The following PHRF1 variants were observed in gnomAD, a reference collection of about 807,000 sequenced individuals.
PHRF1 encodes PHD and ring finger domains 1.
In PHRF1, 53 loss-of-function variants were observed where a neutral mutation model predicts 128.9. The observed-to-expected ratio is 0.41, with a 90% CI of 0.33 to 0.52. PHRF1 has a LOEUF of 0.52. Among genes scored for constraint, PHRF1 ranks in the 20% least tolerant of loss-of-function variants. The pLI, the probability that PHRF1 is intolerant of heterozygous loss-of-function variation, is 0.21. For synonymous variants in PHRF1, 1,178 were observed against 980.6 expected (o/e 1.20, Z -3.76); for missense variants, 2,503 against 2,284.5 (o/e 1.10, Z -1.95).
intron 9 of PHRF1, among the ~76,000 whole-genome samples, chr11:600,495 T>TAAATAAATAAATAAATAA (rs749599842): frequency 3.8e-4 from 15 of 39,024 alleles, no homozygotes; most frequent in African/African-American, 6.7e-4. Context: ...TCTCCAAAAA[T>TAAATAAATAAATAAATAA]ATATATATAT....
chr11:604,391 C>T (rs988277496), intron 10 of PHRF1, among the ~76,000 whole-genome samples: 2 of 152,260 alleles, frequency 1.3e-5, no homozygotes, highest in African/African-American at 4.8e-5. Flanking sequence ...GGAGGCTGCC[C>T]TGTCCGCTCT....
intron 16 of PHRF1, 70 bp from the exon 17 acceptor site, chr11:610,884 A>G: frequency 6.3e-7 from 1 of 1,592,944 alleles, no homozygotes; most frequent in South Asian, 1.1e-5. Flanking sequence ...GGTGTCCAGA[A>G]CCACAGTGCC....
chr11:590,944 C>G (rs571654008), intron 4 of PHRF1, among the ~76,000 whole-genome samples: 1 of 152,284 alleles, frequency 6.6e-6, no homozygotes, highest in South Asian at 2.1e-4. Context: ...CTCAGGTAAT[C>G]TGCCTGCCTC....
intron 4 of PHRF1, among the ~76,000 whole-genome samples, chr11:591,117 C>T (rs575989020): frequency 1.3e-5 from 2 of 152,218 alleles, no homozygotes; most frequent in Non-Finnish European, 2.9e-5. Context: ...GCCGCCCCCA[C>T]GCCTGTCCTT....
chr11:609,107 C>G lies in PHRF1; in HGVS notation c.3651C>G (p.Pro1217=), dbSNP rs373376681. ...AQGEPGREDL[P]TRLPALGEAH... ...GGGAGCCAGGGCGGGAAGACCTCCC[C>G]ACCAGGTTGCCAGCCTTGGGGGAAG... The change falls in exon 14 of 18, where the codon CCC becomes CCG. Residue 1217 remains proline, a synonymous_variant. Transcript: ENST00000264555. 20 of 1,605,386 alleles carry G rather than the reference C, an allele frequency of 1.2e-5. No individual in the cohort carries two copies. Among genetic ancestry groups the G allele is most frequent in the Non-Finnish European group, 1.5e-5 (18 of 1,177,302 alleles).
chr11:608,289 G>A lies in PHRF1; in HGVS notation c.2833G>A (p.Asp945Asn), dbSNP rs1168153002. ...CCCCCCAGAGCCCTGGGATGAGGAG[G>A]ATGGGGCGTCTTGCAGCACCTTCTT... is the stretch of plus-strand genomic sequence containing the variant. ...PSPPEPWDEE[D>N]GASCSTFFGS... Residue 945 changes from aspartate to asparagine, a missense_variant, in exon 14 of 18, where the codon GAT (aspartate) becomes AAT (asparagine). By Grantham distance (23) the Asp-to-Asn change is conservative. Transcript: ENST00000264555. 21 of 1,609,884 alleles carry A rather than the reference G, an allele frequency of 1.3e-5. No homozygotes were observed. Among genetic ancestry groups the A allele is most frequent in the Non-Finnish European group, 1.8e-5 (21 of 1,179,258 alleles).
At chr11:602,761 G>GTTTTTTT (rs1374012486) in intron 10 of PHRF1, among the ~76,000 whole-genome samples, 5 of 137,214 alleles carry the variant, frequency 3.6e-5, no homozygotes, top group African/African-American at 6.5e-5. Flanking sequence ...TTTTGTTTTT[G>GTTTTTTT]TTTTTTTTGT....
At chr11:611,487 G>GGC (rs1268866326) in intron 17 of PHRF1, 147 bp from the exon 18 acceptor site, 96 of 1,128,570 alleles carry the variant, frequency 8.5e-5, no homozygotes, top group Non-Finnish European at 1.1e-4. Context: ...ACATAGGTGG[G>GGC]GCGGCCTCTG....
At chr11:603,741 T>TG (rs1199781646) in intron 10 of PHRF1, among the ~76,000 whole-genome samples, 1 of 147,262 alleles carries the variant, frequency 6.8e-6, no homozygotes, top group East Asian at 2.0e-4. Context: ...TTTTTTTTTT[T>TG]TTTTTTTTTT....
In PHRF1 at chr11:606,554, GTCA is replaced by G. The variant is rs1231678055; in HGVS notation, c.1573_1575del (p.Ile525del). On this transcript the variant is annotated inframe_deletion, in exon 13 of 18. Transcript: ENST00000264555. ...CCTCCTGATGCTGGGCAGCAGTGAT[GTCA>G]TCATCCACCGCGACGGCTCCCTCAG... 4 of 1,609,664 alleles carry G rather than the reference GTCA, an allele frequency of 2.5e-6. No homozygotes were observed. Among genetic ancestry groups the G allele is most frequent in the Non-Finnish European group, 3.4e-6 (4 of 1,178,980 alleles).
At chr11:580,524 G>A (rs1032185216) in intron 1 of PHRF1, among the ~76,000 whole-genome samples, 1 of 152,204 alleles carries the variant, frequency 6.6e-6, no homozygotes, top group Non-Finnish European at 1.5e-5. Context: ...ATGGGGTTGG[G>A]GTGCGGTCAG....
Position 612,080 on chromosome 11 carries a change from C to G in PHRF1, c.*303C>G. On this transcript the variant is annotated 3_prime_UTR_variant, in exon 18 of 18. Coordinates refer to ENST00000264555, the MANE Select transcript of PHRF1 (RefSeq NM_001286581.2). ...TAGAAACCTCTTGATTGACTTACTA[C>G]TTGGAAGATAAAGCACTTGGTGATC... is the stretch of plus-strand genomic sequence containing the variant. 5 of 427,104 alleles carry G rather than the reference C, an allele frequency of 1.2e-5. No individual in the cohort carries two copies. Among genetic ancestry groups the G allele is most frequent in the Non-Finnish European group, 2.1e-5 (5 of 240,938 alleles). The allele number at this position is 427,104 out of a possible 1,614,324, so 26.5% of individuals were successfully genotyped here.
rs754917018 is a variant in PHRF1 at position 609,101 on chromosome 11, C to T, written c.3645C>T (p.Asp1215=). Residue 1215 remains aspartate, a synonymous_variant, in exon 14 of 18, where the codon GAC becomes GAT. Coordinates refer to ENST00000264555, the MANE Select transcript of PHRF1 (RefSeq NM_001286581.2). The part of the protein sequence containing the change: ...PLAQGEPGRE[D]LPTRLPALGE... Reference sequence around the variant, plus strand: ...CACAGGGGGAGCCAGGGCGGGAAGACCTCCCCACCAGGTTGCCAGCCTTGG... The same window carrying T: ...CACAGGGGGAGCCAGGGCGGGAAGATCTCCCCACCAGGTTGCCAGCCTTGG... 38 of 1,605,056 alleles carry T rather than the reference C, an allele frequency of 2.4e-5. No homozygotes were observed. The highest frequency in any genetic ancestry group is 3.1e-5 in the Non-Finnish European group (36 of 1,176,856).
chr11:588,383 T>C (rs1374384539), intron 4 of PHRF1, among the ~76,000 whole-genome samples: 1 of 152,120 alleles, frequency 6.6e-6, no homozygotes, highest in Non-Finnish European at 1.5e-5. Context: ...TTTTCTTTTT[T>C]TTTTTGTTTT....
In PHRF1 at chr11:579,038, C is replaced by G. The variant is rs957324159; in HGVS notation, c.-22+2446C>G. 9.8e-5 allele frequency among the ~76,000 whole-genome samples: 15 copies of G among 152,320 alleles called. 1 individual carries two copies. The highest frequency in any genetic ancestry group is 3.1e-4 in the African/African-American group (13 of 41,562). ...CTATTTTAGTAGAGATGGGGTTTCA[C>G]TGTGTTGCCTAGGCTGGTCTTGAAC... is the stretch of plus-strand genomic sequence containing the variant. On this transcript the variant is annotated intron_variant, in intron 1 of 17. Coordinates refer to ENST00000264555, the MANE Select transcript of PHRF1 (RefSeq NM_001286581.2).
chr11:610,066 T>C (rs1856268604), intron 14 of PHRF1, 130 bp from the exon 15 acceptor site: 3 of 1,213,556 alleles, frequency 2.5e-6, no homozygotes, highest in African/African-American at 1.5e-5. Flanking sequence ...CCCTTGGTGC[T>C]GGGGGTGGAT....
In PHRF1 at chr11:597,280, G is replaced by T; in HGVS notation, c.719-115G>T. On this transcript the variant is annotated intron_variant, in intron 7 of 17. Coordinates refer to ENST00000264555, the MANE Select transcript of PHRF1 (RefSeq NM_001286581.2). This position sits in a 1 kb window ranked among gnomAD's most constrained non-coding sequence, Gnocchi z 6.5. ...GGCTCCATGAGCAGCCCTGGGTCCT[G>T]TGCACAGGTCAGCCCGAGCCAGGGC... 1 of 1,343,602 alleles carries T rather than the reference G, an allele frequency of 7.4e-7. No homozygotes were observed. The allele number at this position is 1,343,602 out of a possible 1,614,324, so 83.2% of individuals were successfully genotyped here.
chr11:610,087 C>A, intron 14 of PHRF1, 109 bp from the exon 15 acceptor site: 1 of 1,371,250 alleles, frequency 7.3e-7, no homozygotes, highest in Non-Finnish European at 9.7e-7. Flanking sequence ...CTGAGGGCTG[C>A]TCTGTGGTCC....
At position 605,660 on chromosome 11, in the gene PHRF1, C is replaced by T. The variant is rs1475925118; in HGVS notation, c.1390C>T (p.Leu464=). Residue 464 remains leucine, a synonymous_variant, in exon 12 of 18, where the codon CTG becomes TTG. Transcript: ENST00000264555. Reference sequence around the variant, plus strand: ...CCCTCTGAGTGCCAAGAGACGGGCTCTGTCCCGGTCAGCCCTGCAGTCCCA... The same window carrying T: ...CCCTCTGAGTGCCAAGAGACGGGCTTTGTCCCGGTCAGCCCTGCAGTCCCA... The part of the protein sequence containing the change: ...LSPLSAKRRA[L]SRSALQSHQP... 8 of 1,613,630 alleles carry T rather than the reference C, an allele frequency of 5.0e-6. No homozygotes were observed. The South Asian group carries it at 8.8e-5, about 18-fold the overall frequency.
Sources: allele counts gnomAD v4.1 joint callset (sites outside exome capture counted in the v4.1 genomes callset), GRCh38; gene constraint gnomAD v4.1.1; non-coding constraint Gnocchi (gnomAD v3.1); transcripts MANE v1.5; gene names NCBI Gene and HGNC (gene_info 2026-07-23, HGNC 2026-07-21).